Variants in SOX6 observed in about 807,000 individuals in gnomAD.
SOX6 encodes the protein transcription factor SOX-6.
SOX6 carries 11 observed loss-of-function variants against 97.8 expected under a neutral mutation model. That is an observed-to-expected ratio of 0.11 (90% CI 0.07 to 0.19). The LOEUF (loss-of-function observed/expected upper bound fraction) is 0.19. Ranked by LOEUF, SOX6 falls within the 10% of genes least tolerant of loss-of-function variation. The probability of loss-of-function intolerance (pLI) is 1.00; values close to 1 mark genes in which losing one functional copy is unlikely to be tolerated. For missense variants in SOX6, 810 were observed against 1,039.5 expected (o/e 0.78, Z 3.04); for synonymous variants, 360 against 371.4 (o/e 0.97, Z 0.35).
chr11:16,730,452 C>A (rs531599482), intron 2 of SOX6, among the ~76,000 whole-genome samples: 2 of 152,032 alleles, frequency 1.3e-5, no homozygotes, highest in Admixed American at 6.6e-5. Context: ...CACTCAAAAC[C>A]GCACAACTAC....
upstream of SOX6, among the ~76,000 whole-genome samples, chr11:16,476,781 C>T (rs1223765260): frequency 6.6e-6 from 1 of 152,090 alleles, no homozygotes; most frequent in African/African-American, 2.4e-5. Context: ...CTTAAATGTG[C>T]CTGACAGGAA....
intron 2 of SOX6, among the ~76,000 whole-genome samples, chr11:16,325,870 T>C (rs916869874): frequency 1.3e-5 from 2 of 152,014 alleles, no homozygotes; most frequent in African/African-American, 4.8e-5. Context: ...TGAAGGCAAA[T>C]AGTTACTTCC....
intron 6 of SOX6, among the ~76,000 whole-genome samples, chr11:16,118,892 T>G (rs1189288972): frequency 6.6e-6 from 1 of 152,182 alleles, no homozygotes; most frequent in East Asian, 1.9e-4. Flanking sequence ...CCTTATGTGA[T>G]TTAATTGAAG....
At chr11:16,499,085 G>C (rs574278387) in intron 4 of SOX6, among the ~76,000 whole-genome samples, 20 of 152,266 alleles carry the variant, frequency 1.3e-4, no homozygotes, top group Admixed American at 2.6e-4. Flanking sequence ...AAATGTAAAA[G>C]AACAGAAATT....
intron 1 of SOX6, chr11:16,382,334 G>A (rs974583616): frequency 1.3e-5 from 2 of 151,874 alleles, no homozygotes; most frequent in Admixed American, 6.6e-5. Flanking sequence ...TGGTGGCCAC[G>A]ATATCTTCAT....
chr11:16,226,229 C>A (rs1039707248), intron 4 of SOX6, among the ~76,000 whole-genome samples: 1 of 151,980 alleles, frequency 6.6e-6, no homozygotes, highest in African/African-American at 2.4e-5. Flanking sequence ...ACCTTGATCC[C>A]TAAATGTAAA....
Position 16,065,921 on chromosome 11 carries a change from A to G in SOX6, c.1102-10020T>C, listed in dbSNP as rs115155280. Among the ~76,000 whole-genome samples the G allele has an allele frequency of 1.5e-3, 231 of 152,280 alleles. 1 individual carries two copies. The highest frequency in any genetic ancestry group is 5.1e-3 in the African/African-American group (214 of 41,564). On this transcript the variant is annotated intron_variant, in intron 9 of 15. Coordinates refer to ENST00000683767, the MANE Select transcript of SOX6 (RefSeq NM_001367873.1). ...AGCAAAAATGGACAAATAGAATCAA[A>G]CCAAGTTAAAAATCTTCTGCACAGC...
At chr11:16,528,280 T>C (rs990646234) in intron 4 of SOX6, among the ~76,000 whole-genome samples, 3 of 152,152 alleles carry the variant, frequency 2.0e-5, no homozygotes, top group Non-Finnish European at 4.4e-5. Context: ...ACACTTACTA[T>C]ATTCCAATCA....
intron 6 of SOX6, among the ~76,000 whole-genome samples, chr11:16,150,286 T>A (rs1850426152): frequency 2.0e-5 from 3 of 152,148 alleles, no homozygotes; most frequent in African/African-American, 7.2e-5. Context: ...AGGAGACAAA[T>A]CTTCCAGGCC....
chr11:16,077,509 T>TGCGCATGA (rs1398001372), intron 9 of SOX6, among the ~76,000 whole-genome samples: 23 of 152,118 alleles, frequency 1.5e-4, no homozygotes, highest in Non-Finnish European at 3.1e-4. Context: ...CACACACGTG[T>TGCGCATGA]ATGTTCATTG....
intron 1 of SOX6, among the ~76,000 whole-genome samples, chr11:16,350,933 T>C (rs1191474977): frequency 6.6e-6 from 1 of 152,096 alleles, no homozygotes; most frequent in Non-Finnish European, 1.5e-5. Flanking sequence ...AGCTTATTGT[T>C]TTAAATTAAA....
intron 7 of SOX6, among the ~76,000 whole-genome samples, chr11:16,101,229 T>C (rs1188949783): frequency 6.6e-6 from 1 of 151,662 alleles, no homozygotes; most frequent in Non-Finnish European, 1.5e-5. Flanking sequence ...ACAATTCCTC[T>C]ACACTCTGAG....
intron 3 of SOX6, among the ~76,000 whole-genome samples, chr11:16,308,957 A>C (rs1372324184): frequency 1.3e-5 from 2 of 152,202 alleles, no homozygotes; most frequent in Non-Finnish European, 2.9e-5. Context: ...AAGCTCAGTG[A>C]TGAAGAAAAG....
chr11:16,018,698 C>T (rs766466744), intron 12 of SOX6, among the ~76,000 whole-genome samples: 19 of 152,092 alleles, frequency 1.2e-4, no homozygotes, highest in African/African-American at 3.9e-4. Context: ...GTTATTTATA[C>T]GTTCCCACGT....
intron 4 of SOX6, among the ~76,000 whole-genome samples, chr11:16,589,814 T>G (rs1159614809): frequency 6.6e-6 from 1 of 152,216 alleles, no homozygotes; most frequent in African/African-American, 2.4e-5. Context: ...AATATAAATC[T>G]ATATTGCTGC....
Position 16,049,949 on chromosome 11 carries a change from T to G in SOX6, c.1252-11A>C, listed in dbSNP as rs1847645097. 3.1e-6 allele frequency: 5 copies of G among 1,613,322 alleles called. No individual in the cohort carries two copies. The highest frequency in any genetic ancestry group is 2.7e-5 in the African/African-American group (2 of 74,962). ...TGCTGCTGCTTCATCCTACAAGAGT[T>G]TAACGTAAATAATTATTTTTACAAA... On this transcript the variant is annotated splice_polypyrimidine_tract_variant and intron_variant, in intron 10 of 15. Coordinates refer to ENST00000683767, the MANE Select transcript of SOX6 (RefSeq NM_001367873.1).
intron 9 of SOX6, among the ~76,000 whole-genome samples, chr11:16,073,810 T>C (rs1848281713): frequency 6.6e-6 from 1 of 152,108 alleles, no homozygotes; most frequent in African/African-American, 2.4e-5. Flanking sequence ...TACAATTACA[T>C]GGAAATTAAA....
intron 4 of SOX6, among the ~76,000 whole-genome samples, chr11:16,216,852 T>C (rs1004186498): frequency 6.6e-6 from 1 of 152,120 alleles, no homozygotes; most frequent in Non-Finnish European, 1.5e-5. Flanking sequence ...AAGTAACAAG[T>C]ATTCCAGTAA....
At chr11:16,245,586 A>G (rs1405413279) in intron 3 of SOX6, among the ~76,000 whole-genome samples, 3 of 151,534 alleles carry the variant, frequency 2.0e-5, no homozygotes, top group Non-Finnish European at 4.4e-5. Flanking sequence ...TTCTGTCATT[A>G]TTTTGCTTCA....
Sources: gnomAD v4.1 joint callset for allele counts (sites outside exome capture counted in the v4.1 genomes callset) on GRCh38, gnomAD v4.1.1 for gene constraint, MANE v1.5 for transcripts, NCBI Gene and HGNC (gene_info 2026-07-23, HGNC 2026-07-21) for gene names.